The following PDE4B variants were observed in gnomAD, a reference collection of about 807,000 sequenced individuals.
PDE4B encodes 3',5'-cyclic-AMP phosphodiesterase 4B.
Under a neutral mutation model 82.2 loss-of-function variants are expected in PDE4B, and 20 were observed. The observed-to-expected ratio is 0.24, with a 90% CI of 0.17 to 0.35. The LOEUF (loss-of-function observed/expected upper bound fraction) is 0.35. Ranked by LOEUF, PDE4B falls within the 10% of genes least tolerant of loss-of-function variation. PDE4B has a pLI of 1.00. For synonymous variants in PDE4B, 320 were observed against 318.9 expected, an observed-to-expected ratio of 1.00 and a Z score of -0.04; for missense variants, 655 against 907.2, an observed-to-expected ratio of 0.72 and a Z score of 3.57.
chr1:66,197,203 C>T (rs894481768), intron 3 of PDE4B, among the ~76,000 whole-genome samples: 1 of 151,602 alleles, frequency 6.6e-6, no homozygotes. Context: ...GTGAATCTCC[C>T]ACTTAAGGCC....
chr1:66,281,194 G>A (rs1245327898), intron 7 of PDE4B, among the ~76,000 whole-genome samples: 1 of 152,258 alleles, frequency 6.6e-6, no homozygotes, highest in African/African-American at 2.4e-5. Context: ...CTGCAGAAGT[G>A]GAACATGCTT....
chr1:65,990,490 A>G (rs1363678438), intron 3 of PDE4B, among the ~76,000 whole-genome samples: 8 of 152,290 alleles, frequency 5.3e-5, no homozygotes, highest in Middle Eastern at 3.4e-3. Flanking sequence ...CCCAGTTTTA[A>G]ATCATATTAT....
At chr1:66,353,634 G>A (rs1016135142) in intron 8 of PDE4B, among the ~76,000 whole-genome samples, 92 of 152,096 alleles carry the variant, frequency 6.0e-4, no homozygotes, top group African/African-American at 2.2e-3. Flanking sequence ...AACCTGGGGC[G>A]GGGAATCCCA....
At chr1:66,218,796 A>T (rs186114103) in intron 3 of PDE4B, among the ~76,000 whole-genome samples, 49 of 152,250 alleles carry the variant, frequency 3.2e-4, no homozygotes, top group Middle Eastern at 3.4e-3. Flanking sequence ...AACACTTATT[A>T]CAAGGCCTAG....
chr1:66,233,384 A>C (rs1557650302), intron 3 of PDE4B, among the ~76,000 whole-genome samples: 1 of 152,102 alleles, frequency 6.6e-6, no homozygotes, highest in Non-Finnish European at 1.5e-5. Flanking sequence ...TTCACCTGTT[A>C]CATTTGGATT....
At chr1:66,073,877 A>G (rs1031304156) in intron 3 of PDE4B, among the ~76,000 whole-genome samples, 3 of 149,866 alleles carry the variant, frequency 2.0e-5, no homozygotes, top group Non-Finnish European at 2.9e-5. Flanking sequence ...TGAAAACCAT[A>G]TCATAGAAGA....
chr1:65,907,729 T>A (rs903751109), intron 1 of PDE4B, among the ~76,000 whole-genome samples: 3 of 152,202 alleles, frequency 2.0e-5, no homozygotes, highest in African/African-American at 7.2e-5. Context: ...ATTGCCAATT[T>A]TTAGTTTTCT....
At chr1:66,074,184 T>G (rs528244596) in intron 3 of PDE4B, among the ~76,000 whole-genome samples, 1 of 152,138 alleles carries the variant, frequency 6.6e-6, no homozygotes, top group South Asian at 2.1e-4. Context: ...TGGAAGACCT[T>G]TGGTTTAATG....
chr1:65,981,634 T>A (rs1217107410), intron 3 of PDE4B, among the ~76,000 whole-genome samples: 4 of 152,120 alleles, frequency 2.6e-5, no homozygotes, highest in African/African-American at 7.2e-5. Context: ...ACCAACTGGT[T>A]GACCTTGGGT....
At chr1:66,066,345 C>T (rs1655847077) in intron 3 of PDE4B, among the ~76,000 whole-genome samples, 1 of 151,732 alleles carries the variant, frequency 6.6e-6, no homozygotes, top group Admixed American at 6.6e-5. Flanking sequence ...ACAGAAAAAG[C>T]TTGCCCTGAA....
At chr1:66,098,434 C>T (rs560764557) in intron 3 of PDE4B, among the ~76,000 whole-genome samples, 9 of 152,220 alleles carry the variant, frequency 5.9e-5, no homozygotes, top group Non-Finnish European at 1.3e-4. Context: ...GAATCATGAT[C>T]CATCATTTCA....
At chr1:65,925,121 A>G (rs898351747) in intron 3 of PDE4B, among the ~76,000 whole-genome samples, 9 of 152,180 alleles carry the variant, frequency 5.9e-5, no homozygotes, top group African/African-American at 1.7e-4. Flanking sequence ...TGCTCATTTT[A>G]GTAACTAAAG....
At chr1:65,914,476 T>TC (rs1569661400) in intron 2 of PDE4B, among the ~76,000 whole-genome samples, 1 of 148,034 alleles carries the variant, frequency 6.8e-6, no homozygotes, top group East Asian at 2.2e-4. Flanking sequence ...TCTTCTTTTT[T>TC]TTTTTTCTTT....
At chr1:65,971,576 C>T (rs1025363241) in intron 3 of PDE4B, among the ~76,000 whole-genome samples, 1 of 152,136 alleles carries the variant, frequency 6.6e-6, no homozygotes, top group Non-Finnish European at 1.5e-5. Context: ...TTGATCAAGT[C>T]ACACATTTGT....
chr1:65,830,382 C>T (rs1646068782), intron 1 of PDE4B, among the ~76,000 whole-genome samples: 1 of 152,062 alleles, frequency 6.6e-6, no homozygotes, highest in Non-Finnish European at 1.5e-5. Context: ...TGTCTTGCTT[C>T]CAAATAATTG....
intron 3 of PDE4B, among the ~76,000 whole-genome samples, chr1:66,178,952 G>A (rs1183451667): frequency 1.3e-5 from 2 of 152,112 alleles, no homozygotes; most frequent in East Asian, 3.9e-4. Context: ...CCGGGTTCAA[G>A]CTATTCTCCT....
chr1:65,969,224 A>C (rs1650005879), intron 3 of PDE4B, among the ~76,000 whole-genome samples: 1 of 152,208 alleles, frequency 6.6e-6, no homozygotes, highest in East Asian at 1.9e-4. Flanking sequence ...TCTGGAACCC[A>C]GGCTGACAGC....
In PDE4B at chr1:65,840,024, TA is replaced by T. The variant is rs201616838; in HGVS notation, c.-71+46784del. On this transcript the variant is annotated intron_variant, in intron 1 of 16. Transcript: ENST00000341517. ...GATTTGCATTGATTTTAAATATATA[TA>T]AAAAAAATAAGCCAAGTGAAGTTAG... Among the ~76,000 whole-genome samples, 677 of 151,984 alleles carry T rather than the reference TA, an allele frequency of 4.5e-3. 5 individuals are homozygous for T. The highest frequency in any genetic ancestry group is 0.015 in the African/African-American group (622 of 41,466).
chr1:66,361,075 A>G (rs1662723767), intron 9 of PDE4B, among the ~76,000 whole-genome samples: 1 of 152,198 alleles, frequency 6.6e-6, no homozygotes, highest in African/African-American at 2.4e-5. Flanking sequence ...TTTCTAACAT[A>G]TATACTGCTT....
Sources: gnomAD v4.1 joint callset for allele counts (sites outside exome capture counted in the v4.1 genomes callset) on GRCh38, gnomAD v4.1.1 for gene constraint, MANE v1.5 for transcripts, NCBI Gene and HGNC (gene_info 2026-07-23, HGNC 2026-07-21) for gene names.